Variants in AGAP1 observed in about 807,000 individuals in gnomAD.
The protein encoded by AGAP1 is arf-GAP with GTPase, ANK repeat and PH domain-containing protein 1.
AGAP1 carries 29 observed loss-of-function variants against 105.3 expected under a neutral mutation model. The observed-to-expected ratio is 0.28, with a 90% CI of 0.21 to 0.38. The LOEUF (loss-of-function observed/expected upper bound fraction) is 0.38. Among genes scored for constraint, AGAP1 ranks in the 10% least tolerant of loss-of-function variants. The pLI is 1.00. For missense variants in AGAP1, 998 were observed against 1,165.1 expected (o/e 0.86, Z 2.09); for synonymous variants, 509 against 485.9 (o/e 1.05, Z -0.63).
intron 9 of AGAP1, among the ~76,000 whole-genome samples, chr2:235,823,851 G>A (rs1021884153): frequency 6.6e-6 from 1 of 152,164 alleles, no homozygotes; most frequent in African/African-American, 2.4e-5. Flanking sequence ...TCCTTTGTGT[G>A]TTTATGTATC....
Position 235,898,261 on chromosome 2 carries a change from CA to C in AGAP1, c.1156-10475del, listed in dbSNP as rs2050900645. Reference sequence around the variant, plus strand: ...GTGCTACATGTTCTGCCTTTGAACTCAATAAGCAAAGGGAACGGGGCCTTTT... The same window carrying C: ...GTGCTACATGTTCTGCCTTTGAACTCATAAGCAAAGGGAACGGGGCCTTTT... On this transcript the variant is annotated intron_variant, in intron 10 of 17. Coordinates refer to ENST00000304032, the MANE Select transcript of AGAP1 (RefSeq NM_001037131.3). Among the ~76,000 whole-genome samples the C allele has an allele frequency of 2.6e-5, 4 of 152,180 alleles. No homozygotes were observed. The South Asian group carries it at 8.3e-4, about 32-fold the overall frequency.
chr2:235,759,837 T>C (rs1053966872), intron 6 of AGAP1, among the ~76,000 whole-genome samples: 3 of 152,226 alleles, frequency 2.0e-5, no homozygotes, highest in Non-Finnish European at 4.4e-5. Context: ...GGTTAAATTA[T>C]AAACTGAAAT....
intron 9 of AGAP1, among the ~76,000 whole-genome samples, chr2:235,863,026 A>G (rs2048997435): frequency 6.6e-6 from 1 of 152,196 alleles, no homozygotes; most frequent in Admixed American, 6.5e-5. Flanking sequence ...CACTGGTTAT[A>G]TTACCTTGCC....
chr2:235,561,554 G>A (rs1944152926), intron 1 of AGAP1, among the ~76,000 whole-genome samples: 1 of 152,180 alleles, frequency 6.6e-6, no homozygotes. Flanking sequence ...GGGTGTGCCT[G>A]GCTTCCTTCT....
chr2:235,534,999 G>A (rs1013594897), intron 1 of AGAP1, among the ~76,000 whole-genome samples: 27 of 152,268 alleles, frequency 1.8e-4, no homozygotes, highest in African/African-American at 6.3e-4. Context: ...AGCAGCCCAG[G>A]ATGCTTTTTT....
At chr2:235,817,517 ACT>A (rs768174226) in intron 9 of AGAP1, among the ~76,000 whole-genome samples, 7 of 152,112 alleles carry the variant, frequency 4.6e-5, no homozygotes, top group Non-Finnish European at 1.0e-4. Flanking sequence ...AAACCAAAAC[ACT>A]CTTTCCTTGG....
At chr2:235,834,175 A>G (rs1391200904) in intron 9 of AGAP1, among the ~76,000 whole-genome samples, 4 of 152,136 alleles carry the variant, frequency 2.6e-5, no homozygotes, top group South Asian at 2.1e-4. Flanking sequence ...TGGGCGCCCC[A>G]TGTGGTGCCT....
intron 13 of AGAP1, among the ~76,000 whole-genome samples, chr2:236,032,270 C>G (rs1046123281): frequency 6.6e-6 from 1 of 152,208 alleles, no homozygotes; most frequent in Non-Finnish European, 1.5e-5. Flanking sequence ...CCATGGTTGA[C>G]CACTGCAGAC....
At chr2:235,696,352 C>T (rs1229424948) in intron 1 of AGAP1, among the ~76,000 whole-genome samples, 1 of 152,182 alleles carries the variant, frequency 6.6e-6, no homozygotes, top group East Asian at 1.9e-4. Context: ...AGCCTGTTTA[C>T]CAATTTTTAA....
chr2:235,913,294 A>G (rs780385914), intron 11 of AGAP1, among the ~76,000 whole-genome samples: 2 of 152,128 alleles, frequency 1.3e-5, no homozygotes, highest in African/African-American at 2.4e-5. Context: ...ATATGCATAT[A>G]TATCTGTGTG....
chr2:235,644,388 T>G (rs190932330), intron 1 of AGAP1, among the ~76,000 whole-genome samples: 41 of 152,290 alleles, frequency 2.7e-4, no homozygotes, highest in South Asian at 6.2e-4. Flanking sequence ...TGAGAGCTCT[T>G]GTTGATGTTT....
rs1173474543 is a variant in AGAP1, at chr2:236,009,058, A to C, written c.1646-27503A>C. 1.3e-5 allele frequency among the ~76,000 whole-genome samples: 2 copies of C among 152,184 alleles called. No individual in the cohort carries two copies. Among genetic ancestry groups the C allele is most frequent in the Non-Finnish European group, 2.9e-5 (2 of 68,028 alleles). The stretch of plus-strand genomic sequence containing the variant: ...CAAAGGCCCTTTGAACTGATGTTTC[A>C]ACATGACTCCTTCTCTGTGAGCTCT... On this transcript the variant is annotated intron_variant, in intron 13 of 17. Coordinates refer to ENST00000304032, the MANE Select transcript of AGAP1 (RefSeq NM_001037131.3). This position sits in a 1 kb window ranked among gnomAD's most constrained non-coding sequence, Gnocchi z 4.2.
Position 235,655,374 on chromosome 2 carries a change from G to A in AGAP1, c.164-53805G>A, listed in dbSNP as rs1440576655. ...AGATGGAAAGCTGGAAAGTGATGTG[G>A]CCTGAATTCCTTTCTAGGTAATTTC... On this transcript the variant is annotated intron_variant, in intron 1 of 17. Transcript: ENST00000304032. This position sits in a 1 kb window ranked among gnomAD's most constrained non-coding sequence, Gnocchi z 4.3. Among the ~76,000 whole-genome samples the A allele has an allele frequency of 1.3e-5, 2 of 152,162 alleles. No individual in the cohort carries two copies. Among genetic ancestry groups the A allele is most frequent in the Non-Finnish European group, 2.9e-5 (2 of 68,032 alleles).
At chr2:235,580,069 A>G (rs891078662) in intron 1 of AGAP1, among the ~76,000 whole-genome samples, 1 of 152,186 alleles carries the variant, frequency 6.6e-6, no homozygotes, top group Non-Finnish European at 1.5e-5. Context: ...GGGTGGTAGC[A>G]TGCATTGGTG....
intron 6 of AGAP1, among the ~76,000 whole-genome samples, chr2:235,755,962 TCCTC>T (rs1239406797): frequency 4.6e-5 from 7 of 152,076 alleles, no homozygotes; most frequent in African/African-American, 1.4e-4. Context: ...CAAAAATAAA[TCCTC>T]CCTTCAGAAG....
At chr2:235,521,026 G>A (rs1375308531) in intron 1 of AGAP1, among the ~76,000 whole-genome samples, 1 of 152,292 alleles carries the variant, frequency 6.6e-6, no homozygotes, top group East Asian at 1.9e-4. Context: ...TGGTACATTG[G>A]TCATCTCTCT....
chr2:235,740,979 A>G lies in AGAP1; in HGVS notation c.327A>G (p.Lys109=). 1 of 1,614,240 alleles carries G rather than the reference A, an allele frequency of 6.2e-7. No homozygotes were observed. The highest frequency in any genetic ancestry group is 8.5e-7 in the Non-Finnish European group (1 of 1,180,042). Reference sequence around the variant, plus strand: ...GTGTGGCAGGTGGCAGGTTCAAGAAAGAGATTGTCGTTGATGGACAGAGCT... The same window carrying G: ...GTGTGGCAGGTGGCAGGTTCAAGAAGGAGATTGTCGTTGATGGACAGAGCT... ...EESPEGGRFK[K]EIVVDGQSYL... is the part of the protein sequence containing the mutation. The change falls in exon 4 of 18, where the codon AAA becomes AAG. Residue 109 remains lysine, a synonymous_variant. Coordinates refer to ENST00000304032, the MANE Select transcript of AGAP1 (RefSeq NM_001037131.3). This position sits in a 1 kb window ranked among gnomAD's most constrained non-coding sequence, Gnocchi z 5.7.
intron 4 of AGAP1, among the ~76,000 whole-genome samples, chr2:235,742,338 A>G (rs1268655130): frequency 6.6e-6 from 1 of 152,196 alleles, no homozygotes; most frequent in African/African-American, 2.4e-5. Context: ...AAGATGTACC[A>G]GTATTCGAAA....
rs905328772 is a variant in AGAP1 at position 235,714,230 on chromosome 2, G to A, written c.223-3327G>A. On this transcript the variant is annotated intron_variant, in intron 2 of 17. Transcript: ENST00000304032. The surrounding 1 kb of genome is among the most constrained non-coding windows in gnomAD (Gnocchi z 4.1). ...AGGGTTTCACCATGTTGGCCAGTCT[G>A]GTCTTGAACTCCTGACCTCAGGTGA... is the stretch of plus-strand genomic sequence containing the variant. Among the ~76,000 whole-genome samples, 1 of 151,942 alleles carries A rather than the reference G, an allele frequency of 6.6e-6. No individual in the cohort carries two copies. Among genetic ancestry groups the A allele is most frequent in the African/African-American group, 2.4e-5 (1 of 41,374 alleles).
Sources: allele counts gnomAD v4.1 joint callset (sites outside exome capture counted in the v4.1 genomes callset), GRCh38; gene constraint gnomAD v4.1.1; non-coding constraint Gnocchi (gnomAD v3.1); transcripts MANE v1.5; gene names NCBI Gene and HGNC (gene_info 2026-07-23, HGNC 2026-07-21).